Variants in TRIM2 observed in about 807,000 individuals in gnomAD.
TRIM2 encodes the protein tripartite motif containing 2, also known as tripartite motif-containing protein 2.
TRIM2 carries 20 observed loss-of-function variants against 75.2 expected under a neutral mutation model. The ratio of observed to expected loss-of-function variants is 0.27; its 90% CI spans 0.19 to 0.39. TRIM2 has a LOEUF of 0.39. Among genes scored for constraint, TRIM2 ranks in the 10% least tolerant of loss-of-function variants. The probability of loss-of-function intolerance (pLI) is 1.00; values close to 1 mark genes in which losing one functional copy is unlikely to be tolerated. For synonymous variants in TRIM2, 373 were observed against 388.3 expected, an observed-to-expected ratio of 0.96 and a Z score of 0.46; for missense variants, 660 against 990.8, an observed-to-expected ratio of 0.67 and a Z score of 4.48.
chr4:153,273,670 T>G (rs924261129), intron 2 of TRIM2, among the ~76,000 whole-genome samples: 2 of 152,128 alleles, frequency 1.3e-5, no homozygotes, highest in Non-Finnish European at 2.9e-5. Context: ...ACATAGCTGC[T>G]GGCCCCTTGG....
At chr4:153,268,447 C>G (rs1755838362) in intron 1 of TRIM2, among the ~76,000 whole-genome samples, 1 of 152,176 alleles carries the variant, frequency 6.6e-6, no homozygotes, top group Admixed American at 6.5e-5. Flanking sequence ...ACAAGGACAG[C>G]TTAAAGGTTA....
At chr4:153,244,418 T>G (rs1386648274) in intron 1 of TRIM2, among the ~76,000 whole-genome samples, 7 of 84,360 alleles carry the variant, frequency 8.3e-5, no homozygotes, top group Admixed American at 7.7e-4. Flanking sequence ...CTTCTTCTTC[T>G]TCTTCTTCTT....
intron 6 of TRIM2, among the ~76,000 whole-genome samples, chr4:153,309,014 T>A (rs1292566075): frequency 6.6e-6 from 1 of 152,158 alleles, no homozygotes; most frequent in Non-Finnish European, 1.5e-5. Context: ...CAACTAATAT[T>A]GACTAAGTGC....
At chr4:153,181,989 T>C (rs1284379150) in intron 1 of TRIM2, among the ~76,000 whole-genome samples, 2 of 152,168 alleles carry the variant, frequency 1.3e-5, no homozygotes, top group East Asian at 3.9e-4. Flanking sequence ...TGAACAGCTT[T>C]ACTCCACCCT....
rs369626313 is a variant in TRIM2, at chr4:153,185,120, C to T, written c.-49+31850C>T. On this transcript the variant is annotated intron_variant, in intron 1 of 11. Transcript: ENST00000437508. ...GATTTGCCCTTTGTATTCTTTTTAA[C>T]GCATTCTTCCTGTGTATGTATTGAA... is the stretch of plus-strand genomic sequence containing the variant. Among the ~76,000 whole-genome samples, 32 of 152,294 alleles carry T rather than the reference C, an allele frequency of 2.1e-4. No individual in the cohort carries two copies. The South Asian group carries it at 2.5e-3, about 12-fold the overall frequency.
intron 1 of TRIM2, among the ~76,000 whole-genome samples, chr4:153,250,842 T>C (rs1314705570): frequency 6.6e-6 from 1 of 152,194 alleles, no homozygotes; most frequent in Admixed American, 6.5e-5. Context: ...TCCTGATCCT[T>C]GAGACTCTGA....
In TRIM2 at chr4:153,321,052, C is replaced by T. The variant is rs73854653; in HGVS notation, c.1783-1596C>T. Among the ~76,000 whole-genome samples, 818 of 152,354 alleles carry T rather than the reference C, an allele frequency of 5.4e-3. 10 individuals are homozygous for T. The highest frequency in any genetic ancestry group is 0.019 in the African/African-American group (782 of 41,580). On this transcript the variant is annotated intron_variant, in intron 8 of 11. Coordinates refer to ENST00000338700, the MANE Select transcript of TRIM2 (RefSeq NM_015271.5). The stretch of plus-strand genomic sequence containing the variant: ...TAACATACATTCCTTCCTGCTGTTT[C>T]CTCACCTGGGGTGGTCCTTCGCCTT...
chr4:153,263,728 G>T (rs1754170500), intron 1 of TRIM2, among the ~76,000 whole-genome samples: 1 of 152,200 alleles, frequency 6.6e-6, no homozygotes, highest in Admixed American at 6.5e-5. Context: ...AGAATGTATT[G>T]TCTCACAGTT....
chr4:153,256,717 CAGA>C (rs1305163873), intron 1 of TRIM2, among the ~76,000 whole-genome samples: 3 of 152,288 alleles, frequency 2.0e-5, no homozygotes, highest in South Asian at 2.1e-4. Flanking sequence ...ACTTCATGAT[CAGA>C]AGAAGAACAA....
chr4:153,232,544 T>G (rs550107548), intron 1 of TRIM2, among the ~76,000 whole-genome samples: 1 of 151,508 alleles, frequency 6.6e-6, no homozygotes. Context: ...AAAAATTGAG[T>G]CGTGACCAGC....
intron 1 of TRIM2, among the ~76,000 whole-genome samples, chr4:153,260,724 A>ACACACACACACACACACACACAT (rs528342465): frequency 1.7e-4 from 19 of 112,654 alleles, no homozygotes; most frequent in African/African-American, 5.5e-4. Context: ...ACACACACAC[A>ACACACACACACACACACACACAT]CATCATCATC....
chr4:153,180,662 G>C (rs1731959329), intron 1 of TRIM2, among the ~76,000 whole-genome samples: 1 of 152,230 alleles, frequency 6.6e-6, no homozygotes, highest in Non-Finnish European at 1.5e-5. Context: ...ATTTTGGGTA[G>C]AGAGGGTGTT....
At chr4:153,171,960 C>T (rs1422149921) in intron 1 of TRIM2, among the ~76,000 whole-genome samples, 2 of 148,926 alleles carry the variant, frequency 1.3e-5, no homozygotes, top group African/African-American at 5.0e-5. Flanking sequence ...AATTATTATA[C>T]CTAATATTAA....
intron 1 of TRIM2, among the ~76,000 whole-genome samples, chr4:153,251,048 A>G (rs1049428263): frequency 6.6e-6 from 1 of 152,222 alleles, no homozygotes; most frequent in Non-Finnish European, 1.5e-5. Context: ...GCTGGTTCCC[A>G]ATTAATCTAC....
At chr4:153,251,262 A>G (rs924086080) in intron 1 of TRIM2, among the ~76,000 whole-genome samples, 4 of 152,216 alleles carry the variant, frequency 2.6e-5, no homozygotes, top group African/African-American at 9.6e-5. Context: ...AGTAGAGAGG[A>G]AGGGGCTCGG....
chr4:153,164,943 T>G (rs78166803), intron 1 of TRIM2, among the ~76,000 whole-genome samples: 1,777 of 152,294 alleles, frequency 0.012, 33 homozygotes, highest in African/African-American at 0.041. Context: ...CAGAGCTAAT[T>G]ATTACTTCAT....
intron 1 of TRIM2, among the ~76,000 whole-genome samples, chr4:153,244,319 C>CTCTTCT (rs1311888983): frequency 0.01 from 213 of 21,110 alleles, 35 homozygotes; most frequent in East Asian, 0.04. Context: ...CCTCCTCCTC[C>CTCTTCT]TCTTCTTCTT....
At chr4:153,321,793 G>A (rs1433580881) in intron 8 of TRIM2, among the ~76,000 whole-genome samples, 1 of 152,152 alleles carries the variant, frequency 6.6e-6, no homozygotes, top group Non-Finnish European at 1.5e-5. Context: ...CTTCCCTACA[G>A]TGACTGCTTG....
chr4:153,180,503 T>C (rs2149634683), intron 1 of TRIM2, among the ~76,000 whole-genome samples: 1 of 152,144 alleles, frequency 6.6e-6, no homozygotes, highest in Middle Eastern at 3.4e-3. Context: ...TTTTTGTTTG[T>C]TTATTTGTTT....
Sources: allele counts gnomAD v4.1 joint callset (sites outside exome capture counted in the v4.1 genomes callset), GRCh38; gene constraint gnomAD v4.1.1; transcripts MANE v1.5; gene names NCBI Gene and HGNC (gene_info 2026-07-23, HGNC 2026-07-21).